Variants in PAX3 observed in about 807,000 individuals in gnomAD.
PAX3 encodes paired box protein Pax-3.
PAX3 carries 14 observed loss-of-function variants against 51.6 expected under a neutral mutation model. That is an observed-to-expected ratio of 0.27 (90% CI 0.18 to 0.42). The LOEUF (loss-of-function observed/expected upper bound fraction) is 0.42, where lower values mean the gene tolerates loss of function less well. Ranked by LOEUF, PAX3 falls within the 10% of genes least tolerant of loss-of-function variation. The pLI, the probability that PAX3 is intolerant of heterozygous loss-of-function variation, is 1.00. For missense variants in PAX3, 540 were observed against 642.8 expected (o/e 0.84, Z 1.73); for synonymous variants, 280 against 253.4 (o/e 1.11, Z -1.00).
intron 4 of PAX3, among the ~76,000 whole-genome samples, chr2:222,275,996 G>A (rs2106166191): frequency 6.6e-6 from 1 of 152,342 alleles, no homozygotes; most frequent in South Asian, 2.1e-4. Flanking sequence ...AGAATCATCT[G>A]AAGTGAATTC....
chr2:222,249,384 A>G (rs1196303367), intron 4 of PAX3, among the ~76,000 whole-genome samples: 1 of 152,156 alleles, frequency 6.6e-6, no homozygotes, highest in East Asian at 1.9e-4. Context: ...TCCTTGAGTA[A>G]ATCTTTCCTT....
At chr2:222,279,908 C>T (rs571949817) in intron 4 of PAX3, among the ~76,000 whole-genome samples, 1 of 152,004 alleles carries the variant, frequency 6.6e-6, no homozygotes, top group East Asian at 1.9e-4. Context: ...ATACTGGCAC[C>T]CCATTAGAAA....
At position 222,220,185 on chromosome 2, in the gene PAX3, G is replaced by A. The variant is rs2106071760; in HGVS notation, c.1128C>T (p.Pro376=). The A allele has an allele frequency of 6.2e-7, 1 of 1,613,908 alleles. No homozygotes were observed. Among genetic ancestry groups the A allele is most frequent in the East Asian group, 2.2e-5 (1 of 44,802 alleles). ...CAATGGTGGGGTTCATGGGGTTGGA[G>A]GGCCCCGACGGAGGCACAAAGCTGT... ...YTDSFVPPSG[P]SNPMNPTIGN... The change falls in exon 7 of 9, where the codon CCC becomes CCT. Residue 376 remains proline (P), a synonymous_variant. Coordinates refer to ENST00000392070, the MANE Select transcript of PAX3 (RefSeq NM_181458.4).
At chr2:222,280,758 G>T (rs16863647) in intron 4 of PAX3, among the ~76,000 whole-genome samples, 1 of 152,090 alleles carries the variant, frequency 6.6e-6, no homozygotes, top group Non-Finnish European at 1.5e-5. Context: ...TGAATCCAAA[G>T]TAGAACAGGC....
intron 5 of PAX3, among the ~76,000 whole-genome samples, chr2:222,231,758 A>G (rs916959287): frequency 1.3e-5 from 2 of 152,228 alleles, no homozygotes; most frequent in Non-Finnish European, 2.9e-5. Context: ...AGCACTTAAA[A>G]TAGTGGCTGG....
intron 4 of PAX3, chr2:222,242,386 A>C (rs1245489098): frequency 6.6e-6 from 1 of 152,154 alleles, no homozygotes; most frequent in Non-Finnish European, 1.5e-5. Flanking sequence ...ACCTGCTAAC[A>C]GCTTCCTCCG....
chr2:222,261,972 C>G (rs1693878795), intron 4 of PAX3, among the ~76,000 whole-genome samples: 1 of 152,138 alleles, frequency 6.6e-6, no homozygotes, highest in African/African-American at 2.4e-5. Context: ...TTCCCAGCAC[C>G]CCAAATAGCT....
At chr2:222,287,602 G>C (rs573597410) in intron 4 of PAX3, 7 of 152,268 alleles carry the variant, frequency 4.6e-5, no homozygotes, top group Admixed American at 2.0e-4. Flanking sequence ...ATATGACAAA[G>C]AACTATCTAA....
intron 4 of PAX3, among the ~76,000 whole-genome samples, chr2:222,236,799 CAT>C (rs1692814396): frequency 6.6e-6 from 1 of 152,238 alleles, no homozygotes; most frequent in African/African-American, 2.4e-5. Flanking sequence ...GTTGCTCAAT[CAT>C]ATTTTACAGA....
chr2:222,234,796 T>G (rs1188332844), intron 4 of PAX3, among the ~76,000 whole-genome samples: 3 of 152,228 alleles, frequency 2.0e-5, no homozygotes, highest in African/African-American at 4.8e-5. Context: ...CACTCCCACA[T>G]GTATATTTTT....
intron 4 of PAX3, among the ~76,000 whole-genome samples, chr2:222,246,901 A>G (rs1164925789): frequency 6.6e-6 from 1 of 152,156 alleles, no homozygotes; most frequent in Non-Finnish European, 1.5e-5. Flanking sequence ...TGATTTGTTC[A>G]TATTTACCTG....
intron 4 of PAX3, among the ~76,000 whole-genome samples, chr2:222,259,644 T>A (rs1188224091): frequency 6.6e-6 from 1 of 152,196 alleles, no homozygotes; most frequent in South Asian, 2.1e-4. Context: ...ATTCTTACCT[T>A]TTTTTCATCT....
intron 7 of PAX3, among the ~76,000 whole-genome samples, chr2:222,206,114 C>G (rs1410355716): frequency 6.6e-6 from 1 of 151,298 alleles, no homozygotes; most frequent in Non-Finnish European, 1.5e-5. Context: ...GATATTTCTA[C>G]TACAGGGCTG....
chr2:222,254,759 C>A (rs1180746636), intron 4 of PAX3, among the ~76,000 whole-genome samples: 2 of 152,060 alleles, frequency 1.3e-5, no homozygotes, highest in East Asian at 3.9e-4. Flanking sequence ...ATATTTAAGG[C>A]TCACTATTAA....
At chr2:222,217,394 T>C (rs1030430668) in intron 7 of PAX3, among the ~76,000 whole-genome samples, 2 of 152,134 alleles carry the variant, frequency 1.3e-5, no homozygotes, top group Non-Finnish European at 2.9e-5. Flanking sequence ...AAACCTGTTT[T>C]CTCTTCATTC....
intron 5 of PAX3, among the ~76,000 whole-genome samples, chr2:222,229,770 C>T (rs2053316): frequency 0.073 from 11,042 of 152,238 alleles, 635 homozygotes; most frequent in Admixed American, 0.18. Context: ...GGTTATCTTA[C>T]GTGTAGCCCA....
chr2:222,270,385 A>G (rs903360790), intron 4 of PAX3, among the ~76,000 whole-genome samples: 2 of 152,192 alleles, frequency 1.3e-5, no homozygotes, highest in African/African-American at 4.8e-5. Context: ...GTTACCCTCA[A>G]TGACGTACAA....
chr2:222,268,916 C>A (rs1206466685), intron 4 of PAX3, among the ~76,000 whole-genome samples: 1 of 152,194 alleles, frequency 6.6e-6, no homozygotes, highest in Admixed American at 6.5e-5. Context: ...CCCTCTTCCA[C>A]CCCCTCCTAC....
At chr2:222,218,582 A>C (rs979218691) in intron 7 of PAX3, among the ~76,000 whole-genome samples, 2 of 152,194 alleles carry the variant, frequency 1.3e-5, no homozygotes, top group Non-Finnish European at 2.9e-5. Flanking sequence ...AAAATCGCGG[A>C]GATAAGTACT....
Sources: gnomAD v4.1 joint callset for allele counts (sites outside exome capture counted in the v4.1 genomes callset) on GRCh38, gnomAD v4.1.1 for gene constraint, MANE v1.5 for transcripts, NCBI Gene and HGNC (gene_info 2026-07-23, HGNC 2026-07-21) for gene names.